The following ASIC4 variants were observed in gnomAD, a reference collection of about 807,000 sequenced individuals.
ASIC4 encodes the protein acid sensing ion channel subunit family member 4.
A neutral mutation model predicts 53.4 loss-of-function variants in ASIC4; 28 were observed. That is an observed-to-expected ratio of 0.52 (90% CI 0.39 to 0.72). The LOEUF is 0.72. ASIC4 is among the 30% of genes least tolerant of loss of function. The pLI, the probability that ASIC4 is intolerant of heterozygous loss-of-function variation, is 0.00. For synonymous variants in ASIC4, 289 were observed against 301.4 expected, an observed-to-expected ratio of 0.96 and a Z score of 0.43; for missense variants, 649 against 729.7, an observed-to-expected ratio of 0.89 and a Z score of 1.27.
upstream of ASIC4, chr2:219,514,404 A>C (rs1184126327): frequency 6.5e-7 from 1 of 1,547,032 alleles, no homozygotes; most frequent in Non-Finnish European, 8.7e-7. Flanking sequence ...TCCCTCGCTC[A>C]CTCGCTCGCT....
chr2:219,519,097 G>T (rs1425815351), intron 1 of ASIC4, among the ~76,000 whole-genome samples: 3 of 152,118 alleles, frequency 2.0e-5, no homozygotes, highest in African/African-American at 7.2e-5. Context: ...GTACAGATGG[G>T]GTTTCACTGT....
intron 1 of ASIC4, among the ~76,000 whole-genome samples, chr2:219,520,620 C>G (rs1574488799): frequency 6.6e-6 from 1 of 152,206 alleles, no homozygotes; most frequent in African/African-American, 2.4e-5. Flanking sequence ...GGAGAGGGTG[C>G]CCACTGAGGT....
chr2:219,527,736 T>A (rs746088344), intron 1 of ASIC4, among the ~76,000 whole-genome samples: 4 of 152,232 alleles, frequency 2.6e-5, no homozygotes, highest in Admixed American at 6.5e-5. Context: ...TTAGCTCATA[T>A]GGGTTTCTTG....
At chr2:219,513,691 G>A (rs902331938), upstream of ASIC4, among the ~76,000 whole-genome samples, 1 of 152,224 alleles carries the variant, frequency 6.6e-6, no homozygotes, top group African/African-American at 2.4e-5. Flanking sequence ...AGGGATTTGG[G>A]GAACATTTGG....
rs2125668027 is a variant in ASIC4, at chr2:219,532,925, C to T, written c.1061C>T (p.Ala354Val). 1 of 1,614,034 alleles carries T rather than the reference C, an allele frequency of 6.2e-7. No homozygotes were observed. The highest frequency in any genetic ancestry group is 8.5e-7 in the Non-Finnish European group (1 of 1,179,946). ...ICPPNIYIEC[A>V]DHTLDSLGGG... ...CCACCAAATATCTACATCGAGTGTG[C>T]AGACCACACACTGGGTCCGTGCTGC... is the stretch of plus-strand genomic sequence containing the variant. The change falls in exon 5 of 10, where the codon GCA becomes GTA. Residue 354 changes from alanine (A) to valine (V), a missense_variant. By Grantham distance (64) the Ala-to-Val change is moderately conservative. Transcript: ENST00000358078.
chr2:219,537,998 C>T lies in ASIC4; in HGVS notation c.1572C>T (p.His524=), dbSNP rs1045616916. ...TCAGCAGTCTGCTCCCCAATCACCA[C>T]CACCCCCACGGTCCCCCAGGAGGTC... ...GGVSSLLPNH[H]HPHGPPGGLF... is the part of the protein sequence containing the mutation. Residue 524 remains histidine (H), a synonymous_variant, in exon 10 of 10, where the codon CAC becomes CAT. Coordinates refer to ENST00000358078, the MANE Select transcript of ASIC4 (RefSeq NM_018674.6). This position sits in a 1 kb window ranked among gnomAD's most constrained non-coding sequence, Gnocchi z 4.9. The T allele has an allele frequency of 1.2e-6, 2 of 1,613,286 alleles. No homozygotes were observed. Among genetic ancestry groups the T allele is most frequent in the Non-Finnish European group, 1.7e-6 (2 of 1,179,730 alleles).
chr2:219,508,583 C>A, the ASIC4 span, among the ~76,000 whole-genome samples: 17 of 151,976 alleles, frequency 1.1e-4, no homozygotes, highest in South Asian at 4.2e-4. Flanking sequence ...ATGCCCCCCC[C>A]ACTCCTCCCC....
intron 1 of ASIC4, among the ~76,000 whole-genome samples, chr2:219,519,985 G>C (rs1694860460): frequency 6.6e-6 from 1 of 152,060 alleles, no homozygotes; most frequent in Admixed American, 6.6e-5. Flanking sequence ...TCTTTTCCAC[G>C]CTACTGTCTG....
chr2:219,510,774 G>A (rs918736151), upstream of ASIC4, among the ~76,000 whole-genome samples: 3 of 152,132 alleles, frequency 2.0e-5, no homozygotes, highest in Admixed American at 6.5e-5. The surrounding 1 kb of genome is among the most constrained non-coding windows in gnomAD (Gnocchi z 5.2). Flanking sequence ...GGCGGACAGT[G>A]GGGGCAGGGC....
chr2:219,526,913 G>C (rs1250456570), intron 1 of ASIC4, among the ~76,000 whole-genome samples: 1 of 152,204 alleles, frequency 6.6e-6, no homozygotes, highest in Admixed American at 6.5e-5. Flanking sequence ...AGGACATGGG[G>C]GTCTGAGATG....
chr2:219,529,123 G>T (rs1270531631), intron 1 of ASIC4, among the ~76,000 whole-genome samples: 1 of 152,208 alleles, frequency 6.6e-6, no homozygotes, highest in Non-Finnish European at 1.5e-5. Flanking sequence ...AATTCTCTGA[G>T]CCTCCATTTC....
chr2:219,518,967 G>A lies in ASIC4; in HGVS notation c.582+3661G>A, dbSNP rs1411564805. ...TGCCCAGGCTGGAGTGCAGCGGCGC[G>A]ATCTCGGCTCACTACAGGCTCCGCC... On this transcript the variant is annotated intron_variant, in intron 1 of 9. Coordinates refer to ENST00000358078, the MANE Select transcript of ASIC4 (RefSeq NM_018674.6). This position sits in a 1 kb window ranked among gnomAD's most constrained non-coding sequence, Gnocchi z 4.8. 1.3e-5 allele frequency among the ~76,000 whole-genome samples: 2 copies of A among 152,122 alleles called. No individual in the cohort carries two copies. Among genetic ancestry groups the A allele is most frequent in the Admixed American group, 6.5e-5 (1 of 15,268 alleles).
intron 6 of ASIC4, 59 bp downstream of exon 6, chr2:219,535,383 G>T: frequency 6.7e-7 from 1 of 1,491,364 alleles, no homozygotes; most frequent in South Asian, 1.3e-5. Flanking sequence ...TGTGTGTGGG[G>T]GGTGGCTGTG....
the ASIC4 span, among the ~76,000 whole-genome samples, chr2:219,508,482 T>TGAGGTCTTTGTAACATGCCCCCCA: frequency 6.6e-6 from 1 of 151,914 alleles, no homozygotes; most frequent in Admixed American, 6.6e-5. Flanking sequence ...CTAGCAAAGC[T>TGAGGTCTTTGTAACATGCCCCCCA]GAGGTCTTTG....
In ASIC4 at chr2:219,537,176, C is replaced by A; in HGVS notation, c.1321+19C>A. The A allele has an allele frequency of 6.2e-7, 1 of 1,613,062 alleles. No individual in the cohort carries two copies. Among genetic ancestry groups the A allele is most frequent in the Non-Finnish European group, 8.5e-7 (1 of 1,179,148 alleles). ...CTGCTGGGTGAGACTGGTGTCCCTG[C>A]CCCCAGCTTGTGTGGGGGTGGATCG... is the stretch of plus-strand genomic sequence containing the variant. On this transcript the variant is annotated intron_variant, in intron 7 of 9. Coordinates refer to ENST00000358078, the MANE Select transcript of ASIC4 (RefSeq NM_018674.6). This position sits in a 1 kb window ranked among gnomAD's most constrained non-coding sequence, Gnocchi z 4.9.
chr2:219,538,316 G>T lies in ASIC4; in HGVS notation c.*270G>T. The T allele has an allele frequency of 2.1e-6, 1 of 470,410 alleles. No individual in the cohort carries two copies. Among genetic ancestry groups the T allele is most frequent in the Non-Finnish European group, 3.8e-6 (1 of 262,872 alleles). 29.1% of individuals were successfully genotyped at this position (470,410 alleles called of 1,614,324 possible). ...GAGGAAGGGAAGGAAGGAGAGGGAG[G>T]GGGAGGATAGAGCCCATCCCAGCCG... On this transcript the variant is annotated 3_prime_UTR_variant, in exon 10 of 10. Coordinates refer to ENST00000358078, the MANE Select transcript of ASIC4 (RefSeq NM_018674.6).
Position 219,537,796 on chromosome 2 carries a change from T to G in ASIC4, c.1506+60T>G. 1 of 1,544,742 alleles carries G rather than the reference T, an allele frequency of 6.5e-7. No individual in the cohort carries two copies. Among genetic ancestry groups the G allele is most frequent in the Non-Finnish European group, 8.8e-7 (1 of 1,133,138 alleles). On this transcript the variant is annotated intron_variant, in intron 9 of 9. Transcript: ENST00000358078. The surrounding 1 kb of genome is among the most constrained non-coding windows in gnomAD (Gnocchi z 4.9). The stretch of plus-strand genomic sequence containing the variant: ...CCACACCTCCCCAGGACTGAATACA[T>G]CCATTGTTTCTGAACCAGCCTGTGG...
At chr2:219,514,095 A>G (rs1204167731), upstream of ASIC4, 12 of 524,162 alleles carry the variant, frequency 2.3e-5, no homozygotes, top group East Asian at 3.5e-4. Context: ...GGGCCAGGAA[A>G]GTGGCAAAGA....
intron 1 of ASIC4, among the ~76,000 whole-genome samples, chr2:219,520,679 G>C (rs1263597385): frequency 6.6e-6 from 1 of 152,208 alleles, no homozygotes; most frequent in African/African-American, 2.4e-5. Flanking sequence ...GACTCCCCCT[G>C]CCTGTCCAGC....
Sources: gnomAD v4.1 joint callset for allele counts (sites outside exome capture counted in the v4.1 genomes callset) on GRCh38, gnomAD v4.1.1 for gene constraint, Gnocchi (gnomAD v3.1) non-coding constraint, MANE v1.5 for transcripts, NCBI Gene and HGNC (gene_info 2026-07-23, HGNC 2026-07-21) for gene names.